Variants in IL18RAP observed in about 807,000 individuals in gnomAD.
IL18RAP encodes interleukin-18 receptor accessory protein.
Under a neutral mutation model 58.1 loss-of-function variants are expected in IL18RAP, and 37 were observed. The ratio of observed to expected loss-of-function variants is 0.64; its 90% CI spans 0.49 to 0.84. The LOEUF (loss-of-function observed/expected upper bound fraction) is 0.84, where lower values mean the gene tolerates loss of function less well. IL18RAP is among the 40% of genes least tolerant of loss of function. IL18RAP has a pLI of 0.00. For synonymous variants in IL18RAP, 268 were observed against 257.5 expected, an observed-to-expected ratio of 1.04 and a Z score of -0.39; for missense variants, 667 against 704.8, an observed-to-expected ratio of 0.95 and a Z score of 0.61.
intron 4 of IL18RAP, 56 bp from the exon 5 acceptor site, chr2:102,441,256 C>T: frequency 1.5e-6 from 2 of 1,363,800 alleles, no homozygotes; most frequent in South Asian, 1.2e-5. Flanking sequence ...AAATCTTCAT[C>T]AAGCAGGCCT....
intron 3 of IL18RAP, 63 bp downstream of exon 3, chr2:102,424,477 C>G: frequency 6.9e-7 from 1 of 1,442,958 alleles, no homozygotes; most frequent in Non-Finnish European, 9.5e-7. Context: ...TCTTCATGGG[C>G]TTTTCATGGA....
chr2:102,438,476 T>C (rs1475479679), intron 4 of IL18RAP, among the ~76,000 whole-genome samples: 1 of 152,192 alleles, frequency 6.6e-6, no homozygotes, highest in Admixed American at 6.5e-5. Context: ...AGATTTCATT[T>C]TATATTATTA....
At chr2:102,433,455 T>C (rs1271711202) in intron 3 of IL18RAP, among the ~76,000 whole-genome samples, 1 of 152,152 alleles carries the variant, frequency 6.6e-6, no homozygotes, top group Non-Finnish European at 1.5e-5. Context: ...AATTCATGGT[T>C]TCAACCAATC....
intron 3 of IL18RAP, chr2:102,434,534 A>G (rs1682605593): frequency 6.6e-6 from 1 of 152,184 alleles, no homozygotes; most frequent in African/African-American, 2.4e-5. Context: ...TTCTCCCTCA[A>G]GCCCCTGCTA....
chr2:102,431,845 T>G (rs1682385235), intron 3 of IL18RAP, among the ~76,000 whole-genome samples: 1 of 152,160 alleles, frequency 6.6e-6, no homozygotes, highest in South Asian at 2.1e-4. Flanking sequence ...ATTTATTTTA[T>G]TTTTATACAT....
intron 9 of IL18RAP, among the ~76,000 whole-genome samples, chr2:102,451,278 AGCTGAAG>A (rs1683749259): frequency 2.0e-5 from 3 of 152,218 alleles, no homozygotes; most frequent in Admixed American, 6.5e-5. Flanking sequence ...CTGGCTTCGC[AGCTGAAG>A]GCTGCGAAGT....
At position 102,424,324 on chromosome 2, in the gene IL18RAP, A is replaced by G. The variant is rs1052830333; in HGVS notation, c.489A>G (p.Gln163=). Reference sequence around the variant, plus strand: ...GTGAGTATTCCGCATCACATAAGCAAGACCTACTTCTTGGGAGCACTGGCT... The same window carrying G: ...GTGAGTATTCCGCATCACATAAGCAGGACCTACTTCTTGGGAGCACTGGCT... ...ASCEYSASHK[Q]DLLLGSTGSI... Residue 163 remains glutamine, a synonymous_variant, in exon 3 of 10, where the codon CAA becomes CAG. Transcript: ENST00000687160. The G allele has an allele frequency of 5.6e-6, 9 of 1,613,966 alleles. No individual in the cohort carries two copies. Among genetic ancestry groups the G allele is most frequent in the Non-Finnish European group, 7.6e-6 (9 of 1,179,962 alleles).
At chr2:102,421,712 G>A (rs1161685015), upstream of IL18RAP, among the ~76,000 whole-genome samples, 2 of 152,122 alleles carry the variant, frequency 1.3e-5, no homozygotes, top group Non-Finnish European at 2.9e-5. Context: ...CCATGAACAC[G>A]CCTTGCTCTC....
At chr2:102,424,529 C>A in intron 3 of IL18RAP, 115 bp downstream of exon 3, 1 of 911,392 alleles carries the variant, frequency 1.1e-6, no homozygotes, top group Non-Finnish European at 1.7e-6. Flanking sequence ...TTCTCAAAAA[C>A]TGGCCCTGTG....
chr2:102,437,078 T>C (rs761184070), intron 3 of IL18RAP, 134 bp from the exon 4 acceptor site: 30 of 745,246 alleles, frequency 4.0e-5, no homozygotes, highest in Admixed American at 3.0e-4. Flanking sequence ...AATGTCTTCA[T>C]AGCTTGTGAG....
chr2:102,442,947 A>G (rs1245675380), intron 5 of IL18RAP, among the ~76,000 whole-genome samples: 3 of 152,212 alleles, frequency 2.0e-5, no homozygotes, highest in African/African-American at 4.8e-5. Flanking sequence ...TGATATAATC[A>G]TGCTCATCTT....
intron 5 of IL18RAP, 52 bp from the exon 6 acceptor site, chr2:102,443,148 A>G: frequency 6.4e-7 from 1 of 1,569,082 alleles, no homozygotes; most frequent in Non-Finnish European, 8.6e-7. Flanking sequence ...GATGTAGGAC[A>G]AAGTATTCTC....
In IL18RAP at chr2:102,452,002, G is replaced by A; in HGVS notation, c.1621G>A (p.Gly541Ser). 6.2e-7 allele frequency: 1 copy of A among 1,614,152 alleles called. No homozygotes were observed. The highest frequency in any genetic ancestry group is 8.5e-7 in the Non-Finnish European group (1 of 1,180,038). The part of the protein sequence containing the change: ...LRVLPTVTWR[G>S]LKSVPPNSRF... ...GGTTTTGCCCACAGTTACTTGGAGA[G>A]GCTTAAAATCAGTTCCTCCCAATTC... The change falls in exon 10 of 10, where the codon GGC (glycine) becomes AGC (serine). Residue 541 changes from glycine to serine, a missense_variant. Physicochemically the swap from Gly to Ser is moderately conservative, Grantham distance 56 (BLOSUM62 0). Coordinates refer to ENST00000687160, the MANE Select transcript of IL18RAP (RefSeq NM_001393487.1).
intron 3 of IL18RAP, chr2:102,435,471 AG>A (rs1682675288): frequency 6.6e-6 from 1 of 152,248 alleles, no homozygotes; most frequent in Admixed American, 6.5e-5. Flanking sequence ...AATTAGGAGC[AG>A]GAAAGCTGTG....
chr2:102,445,170 AT>A lies in IL18RAP; in HGVS notation c.921-13del. On this transcript the variant is annotated intron_variant, in intron 6 of 9. Transcript: ENST00000687160. Reference sequence around the variant, plus strand: ...AATGTATGTTACTGAATGGAGTGGTATTTTTTCTCCTTTCTCAGTATTAAAT... The same window carrying A: ...AATGTATGTTACTGAATGGAGTGGTATTTTTCTCCTTTCTCAGTATTAAAT... The A allele has an allele frequency of 6.2e-7, 1 of 1,610,862 alleles. No individual in the cohort carries two copies. Among genetic ancestry groups the A allele is most frequent in the Non-Finnish European group, 8.5e-7 (1 of 1,177,530 alleles).
intron 8 of IL18RAP, among the ~76,000 whole-genome samples, chr2:102,447,883 A>G (rs948899827): frequency 6.6e-6 from 1 of 152,054 alleles, no homozygotes; most frequent in Non-Finnish European, 1.5e-5. Context: ...GGCATGCGCT[A>G]CCATGTCCAG....
At chr2:102,434,194 G>C (rs1255938997) in intron 3 of IL18RAP, 3 of 152,120 alleles carry the variant, frequency 2.0e-5, no homozygotes, top group Non-Finnish European at 4.4e-5. Context: ...CTGAAACAGA[G>C]GAAGAATTTC....
chr2:102,425,068 G>A (rs186848226), intron 3 of IL18RAP, among the ~76,000 whole-genome samples: 1 of 152,172 alleles, frequency 6.6e-6, no homozygotes, highest in Non-Finnish European at 1.5e-5. Flanking sequence ...ATGATGAAAT[G>A]CTGCCTAACC....
chr2:102,428,420 C>T (rs1190554222), intron 3 of IL18RAP, among the ~76,000 whole-genome samples: 2 of 146,958 alleles, frequency 1.4e-5, no homozygotes, highest in Non-Finnish European at 3.0e-5. Context: ...GGTCCTTTAC[C>T]TTCTTGGTTA....
Sources: gnomAD v4.1 joint callset for allele counts (sites outside exome capture counted in the v4.1 genomes callset) on GRCh38, gnomAD v4.1.1 for gene constraint, MANE v1.5 for transcripts, NCBI Gene and HGNC (gene_info 2026-07-23, HGNC 2026-07-21) for gene names.